Variants in RANBP2 observed in about 807,000 individuals in gnomAD.
RANBP2 encodes E3 SUMO-protein ligase RanBP2.
In RANBP2, 57 loss-of-function variants were observed where a neutral mutation model predicts 303.6. The ratio of observed to expected loss-of-function variants is 0.19; its 90% confidence interval spans 0.15 to 0.23. The LOEUF (loss-of-function observed/expected upper bound fraction) is 0.23, where lower values mean the gene tolerates loss of function less well. Ranked by LOEUF, RANBP2 falls within the 10% of genes least tolerant of loss-of-function variation. RANBP2 has a pLI of 1.00. For synonymous variants in RANBP2, 1,167 were observed against 1,301.5 expected (o/e 0.90, Z 2.23); for missense variants, 3,138 against 3,780.8 (o/e 0.83, Z 4.46).
chr2:109,655,589 G>A, the RANBP2 span, among the ~76,000 whole-genome samples: 2 of 151,950 alleles, frequency 1.3e-5, no homozygotes, highest in Non-Finnish European at 2.9e-5. Flanking sequence ...TGTGCATTTG[G>A]TTCTGCCCTG....
the RANBP2 span, among the ~76,000 whole-genome samples, chr2:109,225,816 A>T: frequency 2.9e-4 from 44 of 152,236 alleles, no homozygotes; most frequent in African/African-American, 8.9e-4. Context: ...CCCGGGCTGC[A>T]CTGCAGAAGT....
chr2:108,729,467 G>A (rs1197156990), intron 2 of RANBP2, among the ~76,000 whole-genome samples: 1 of 152,142 alleles, frequency 6.6e-6, no homozygotes, highest in African/African-American at 2.4e-5. Context: ...GTCTTCTGTT[G>A]GAGTAAAAGA....
chr2:108,990,386 G>C, the RANBP2 span, among the ~76,000 whole-genome samples: 3 of 146,052 alleles, frequency 2.1e-5, no homozygotes, highest in Admixed American at 1.4e-4. Context: ...AGCCGAGATT[G>C]CGCCACTGCA....
chr2:108,807,591 T>G, the RANBP2 span, among the ~76,000 whole-genome samples: 7 of 152,276 alleles, frequency 4.6e-5, no homozygotes, highest in Non-Finnish European at 8.8e-5. Context: ...AAGCTAGAAC[T>G]TATTCCTCTT....
chr2:108,972,710 C>G, the RANBP2 span, among the ~76,000 whole-genome samples: 1 of 152,248 alleles, frequency 6.6e-6, no homozygotes, highest in Admixed American at 6.5e-5. Flanking sequence ...AAATAAGCAG[C>G]CCTCATCTGA....
chr2:109,058,966 G>A, the RANBP2 span, among the ~76,000 whole-genome samples: 5 of 152,182 alleles, frequency 3.3e-5, no homozygotes, highest in Admixed American at 2.6e-4. Context: ...GTGAAGTGGC[G>A]GGGAGACAGG....
chr2:109,143,284 G>A, the RANBP2 span, among the ~76,000 whole-genome samples: 4 of 152,194 alleles, frequency 2.6e-5, no homozygotes, highest in South Asian at 4.1e-4. Context: ...AGTAAGTATC[G>A]TGAAACTGAG....
At chr2:108,722,851 A>G (rs558708077) in intron 1 of RANBP2, among the ~76,000 whole-genome samples, 177 of 151,910 alleles carry the variant, frequency 1.2e-3, no homozygotes, top group African/African-American at 4.2e-3. Context: ...AGATTGCACC[A>G]CTGCACTCCA....
At chr2:109,249,604 T>G in the RANBP2 span, among the ~76,000 whole-genome samples, 3 of 147,686 alleles carry the variant, frequency 2.0e-5, no homozygotes, top group Non-Finnish European at 4.5e-5. Flanking sequence ...TTTCTTTTTC[T>G]TTCTTTCTTT....
the RANBP2 span, among the ~76,000 whole-genome samples, chr2:109,293,679 C>T: frequency 1.3e-5 from 2 of 152,356 alleles, no homozygotes; most frequent in South Asian, 2.1e-4. Flanking sequence ...TGAGTTACAT[C>T]GGAAAGTGAG....
the RANBP2 span, among the ~76,000 whole-genome samples, chr2:109,068,843 G>A: frequency 1.3e-5 from 2 of 152,196 alleles, no homozygotes; most frequent in African/African-American, 4.8e-5. Context: ...ATGTCAAAAT[G>A]CTTGTAAGTA....
At chr2:108,739,185 G>C (rs1314202485) in intron 6 of RANBP2, among the ~76,000 whole-genome samples, 1 of 151,846 alleles carries the variant, frequency 6.6e-6, no homozygotes, top group Non-Finnish European at 1.5e-5. Flanking sequence ...GGTGGATCAC[G>C]AAGTCAGGAG....
At chr2:108,917,763 AC>A in the RANBP2 span, among the ~76,000 whole-genome samples, 1 of 152,016 alleles carries the variant, frequency 6.6e-6, no homozygotes, top group African/African-American at 2.4e-5. Context: ...CACTGTCACT[AC>A]ACATATAACC....
the RANBP2 span, among the ~76,000 whole-genome samples, chr2:108,861,084 T>C: frequency 6.6e-6 from 1 of 151,698 alleles, no homozygotes; most frequent in Non-Finnish European, 1.5e-5. Flanking sequence ...ATCCATTTCC[T>C]CTAGATTTTC....
the RANBP2 span, chr2:108,812,776 T>A: frequency 3.1e-6 from 5 of 1,611,534 alleles, no homozygotes; most frequent in Non-Finnish European, 4.2e-6. Context: ...GTTTACTCAT[T>A]TAGATACAAT....
At chr2:108,896,876 G>A in the RANBP2 span, 2 of 1,597,584 alleles carry the variant, frequency 1.3e-6, no homozygotes, top group Non-Finnish European at 1.7e-6. Flanking sequence ...TCCTTGGCTT[G>A]TCCTGGGAGG....
At chr2:109,075,166 G>T in the RANBP2 span, among the ~76,000 whole-genome samples, 1 of 149,968 alleles carries the variant, frequency 6.7e-6, no homozygotes, top group South Asian at 2.1e-4. Context: ...AAAGATCAGA[G>T]CAGAAATAAG....
At chr2:108,822,630 CA>C in the RANBP2 span, among the ~76,000 whole-genome samples, 1 of 152,120 alleles carries the variant, frequency 6.6e-6, no homozygotes, top group Non-Finnish European at 1.5e-5. Flanking sequence ...AGTGAAACCT[CA>C]AACCAAGGAA....
At chr2:109,529,781 G>T in the RANBP2 span, among the ~76,000 whole-genome samples, 3 of 152,224 alleles carry the variant, frequency 2.0e-5, no homozygotes, top group Non-Finnish European at 4.4e-5. Context: ...TCAACCTGAG[G>T]GGGTGGGGGC....
Sources: allele counts gnomAD v4.1 joint callset (sites outside exome capture counted in the v4.1 genomes callset), GRCh38; gene constraint gnomAD v4.1.1; transcripts MANE v1.5; gene names NCBI Gene and HGNC (gene_info 2026-07-23, HGNC 2026-07-21).